NOTCH1: variants seen among roughly 807,000 people sequenced by gnomAD.
NOTCH1 encodes neurogenic locus notch homolog protein 1.
In NOTCH1, 37 loss-of-function variants were observed where a neutral mutation model predicts 254.8. That is an observed-to-expected ratio of 0.15 (90% CI 0.11 to 0.19). The LOEUF is 0.19. Ranked by LOEUF, NOTCH1 falls within the 10% of genes least tolerant of loss-of-function variation. The pLI is 1.00. For missense variants in NOTCH1, 2,972 were observed against 3,708.6 expected (o/e 0.80, Z 5.16); for synonymous variants, 1,731 against 1,618.1 (o/e 1.07, Z -1.68).
chr9:136,536,932 G>A (rs981944985), intron 2 of NOTCH1, among the ~76,000 whole-genome samples: 7 of 152,218 alleles, frequency 4.6e-5, no homozygotes, highest in African/African-American at 7.2e-5. Context: ...CTCAGTGACC[G>A]CGGCCCCACT....
In NOTCH1 at chr9:136,510,654, G is replaced by A. The variant is rs771825588; in HGVS notation, c.2739C>T (p.Pro913=). ...GGCCAGAGCCGCGGGGCTACTCACT[G>A]GGCCGGCAGTCGTCGATGTCGGTCT... The part of the protein sequence containing the change: ...NCETDIDDCR[P]NPCHNGGSCT... The change falls in exon 17 of 34, where the codon CCC becomes CCT. Residue 913 remains proline, a splice_region_variant and synonymous_variant. Coordinates refer to ENST00000651671, the MANE Select transcript of NOTCH1 (RefSeq NM_017617.5). 1 of 1,605,208 alleles carries A rather than the reference G, an allele frequency of 6.2e-7. No individual in the cohort carries two copies. The highest frequency in any genetic ancestry group is 8.5e-7 in the Non-Finnish European group (1 of 1,178,796).
In NOTCH1 at chr9:136,511,470, C is replaced by T. The variant is rs574443842; in HGVS notation, c.2468-199G>A. Among the ~76,000 whole-genome samples, 7 of 152,280 alleles carry T rather than the reference C, an allele frequency of 4.6e-5. No individual in the cohort carries two copies. The South Asian group carries it at 6.2e-4, about 14-fold the overall frequency. ...GAGGAGTGGAGCACAGATGGGGGGA[C>T]GCTGAAGACAAGCTGCACAAATGTC... On this transcript the variant is annotated intron_variant, in intron 15 of 33. Coordinates refer to ENST00000651671, the MANE Select transcript of NOTCH1 (RefSeq NM_017617.5).
chr9:136,519,417 CG>C (rs1564200749), intron 5 of NOTCH1, 25 bp downstream of exon 5: 1 of 1,612,188 alleles, frequency 6.2e-7, no homozygotes, highest in East Asian at 2.2e-5. Context: ...CCGGCTACCC[CG>C]CCCTGCGGCG....
rs758304923 is a variant in NOTCH1 at position 136,508,063 on chromosome 9, C to A, written c.3402G>T (p.Gln1134His). The A allele has an allele frequency of 4.3e-6, 7 of 1,611,162 alleles. No homozygotes were observed. The African/African-American group carries it at 9.3e-5, about 21-fold the overall frequency. The change falls in exon 21 of 34, where the codon CAG becomes CAT. Residue 1134 changes from glutamine (Q) to histidine (H), a missense_variant. Gln to His is a conservative substitution (Grantham distance 24, BLOSUM62 0). Around this residue, in one of 8 missense-constraint regions of NOTCH1, gnomAD observed 1,343 missense variants for 1,557.0 expected, o/e 0.86. Coordinates refer to ENST00000651671, the MANE Select transcript of NOTCH1 (RefSeq NM_017617.5). Reference sequence around the variant, plus strand: ...CACAGTAGCTGCCTGTGTAGCCCGCCTGGCAGCGGCAGTGGTGCGTGTTGC... The same window carrying A: ...CACAGTAGCTGCCTGTGTAGCCCGCATGGCAGCGGCAGTGGTGCGTGTTGC... Reference protein sequence around the residue: ...DAGNTHHCRCQAGYTGSYCED... With the variant: ...DAGNTHHCRCHAGYTGSYCED...
chr9:136,525,970 A>G (rs1843453014), intron 2 of NOTCH1, among the ~76,000 whole-genome samples: 1 of 152,124 alleles, frequency 6.6e-6, no homozygotes, highest in South Asian at 2.1e-4. Context: ...AAGAAAACAC[A>G]TGTCACCCCT....
rs917162401 is a variant in NOTCH1, at chr9:136,494,707, C to T, written c.*1364G>A. 1.8e-5 allele frequency: 7 copies of T among 398,318 alleles called. No individual in the cohort carries two copies. Among genetic ancestry groups the T allele is most frequent in the African/African-American group, 6.2e-5 (3 of 48,380 alleles). 24.7% of individuals were successfully genotyped at this position (398,318 alleles called of 1,614,324 possible). ...CAGCGGAGCGTCCCCAGTGCATGGGCGGCTAAGGCTCCCCGAGCTGAGCCA... is the reference window on the plus strand; with the variant it reads ...CAGCGGAGCGTCCCCAGTGCATGGGTGGCTAAGGCTCCCCGAGCTGAGCCA... On this transcript the variant is annotated 3_prime_UTR_variant, in exon 34 of 34. Transcript: ENST00000651671.
At chr9:136,536,586 G>A (rs76663918) in intron 2 of NOTCH1, among the ~76,000 whole-genome samples, 361 of 152,302 alleles carry the variant, frequency 2.4e-3, no homozygotes, top group African/African-American at 7.9e-3. Context: ...AGCCACCGCC[G>A]CTCCTTTGGT....
chr9:136,525,282 C>T (rs111434983), intron 2 of NOTCH1, among the ~76,000 whole-genome samples: 67 of 152,332 alleles, frequency 4.4e-4, no homozygotes, highest in African/African-American at 1.5e-3. Flanking sequence ...GCATCTCCAC[C>T]CAGGCCTGGT....
chr9:136,507,509 G>A, intron 21 of NOTCH1, 72 bp from the exon 22 acceptor site: 1 of 1,548,938 alleles, frequency 6.5e-7, no homozygotes. Flanking sequence ...ACACCCCACT[G>A]TGAGGGCTGA....
At chr9:136,531,220 T>C (rs1843553506) in intron 2 of NOTCH1, among the ~76,000 whole-genome samples, 1 of 152,160 alleles carries the variant, frequency 6.6e-6, no homozygotes, top group Admixed American at 6.5e-5. Flanking sequence ...CTTTCCAAGC[T>C]CTGTCTCATG....
chr9:136,522,884 C>T lies in NOTCH1; in HGVS notation c.708G>A (p.Thr236=), dbSNP rs774679591. 23 of 1,528,798 alleles carry T rather than the reference C, an allele frequency of 1.5e-5. No individual in the cohort carries two copies. The highest frequency in any genetic ancestry group is 1.9e-5 in the Non-Finnish European group (22 of 1,136,452). 94.7% of individuals were successfully genotyped at this position (1,528,798 alleles called of 1,614,324 possible). ...PCQNGGTCRP[T]GDVTHECACL... Reference sequence around the variant, plus strand: ...AGGCACACTCGTGGGTGACGTCGCCCGTGGGGCGGCAGGTGCCCCCGTTCT... The same window carrying T: ...AGGCACACTCGTGGGTGACGTCGCCTGTGGGGCGGCAGGTGCCCCCGTTCT... Residue 236 remains threonine (T), a synonymous_variant, in exon 4 of 34, where the codon ACG becomes ACA. Transcript: ENST00000651671.
intron 15 of NOTCH1, among the ~76,000 whole-genome samples, chr9:136,511,701 G>A (rs1169502988): frequency 3.3e-5 from 5 of 152,224 alleles, no homozygotes; most frequent in African/African-American, 1.2e-4. Flanking sequence ...CTGAGACCGA[G>A]GCCTGAAACT....
At chr9:136,533,555 G>A (rs945019875) in intron 2 of NOTCH1, among the ~76,000 whole-genome samples, 4 of 152,280 alleles carry the variant, frequency 2.6e-5, no homozygotes, top group South Asian at 2.1e-4. Flanking sequence ...GTGCCCACTC[G>A]ACGGCCCGGC....
rs1131691923 is a variant in NOTCH1 at position 136,496,872 on chromosome 9, G to T, written c.6867C>A (p.Ser2289Arg). ...ASGTSTVLGS[S>R]SGGALNFTVG... ...CAGTGAAATTCAGGGCCCCTCCGCT[G>T]CTGGAGCCCAGGACGGTGCTGGTGC... is the stretch of plus-strand genomic sequence containing the variant. Residue 2289 changes from serine (S) to arginine (R), a missense_variant, in exon 34 of 34, where the codon AGC (serine) becomes AGA (arginine). Transcript: ENST00000651671. 6.8e-6 allele frequency: 11 copies of T among 1,612,796 alleles called. No individual in the cohort carries two copies. The highest frequency in any genetic ancestry group is 9.3e-6 in the Non-Finnish European group (11 of 1,180,014).
Position 136,495,338 on chromosome 9 carries a change from C to A in NOTCH1, c.*733G>T. 2.5e-6 allele frequency: 1 copy of A among 398,850 alleles called. No homozygotes were observed. The highest frequency in any genetic ancestry group is 4.4e-6 in the Non-Finnish European group (1 of 226,082). 24.7% of individuals were successfully genotyped at this position (398,850 alleles called of 1,614,324 possible). On this transcript the variant is annotated 3_prime_UTR_variant, in exon 34 of 34. Coordinates refer to ENST00000651671, the MANE Select transcript of NOTCH1 (RefSeq NM_017617.5). ...CAACGAACAACTACATAATACTGAA[C>A]CTGAAACAAAGATTCATGATTGGTA...
Position 136,496,355 on chromosome 9 carries a change from G to T in NOTCH1, c.7384C>A (p.Pro2462Thr), listed in dbSNP as rs1842913852. 1.3e-6 allele frequency: 2 copies of T among 1,592,600 alleles called. No homozygotes were observed. The highest frequency in any genetic ancestry group is 1.7e-5 in the Admixed American group (1 of 57,394). ...GATGGCAGCGACGTGGGCAGGGCGGGGCTCTCCTGGGGCAGAATAGTGTGC... is the reference window on the plus strand; with the variant it reads ...GATGGCAGCGACGTGGGCAGGGCGGTGCTCTCCTGGGGCAGAATAGTGTGC... ...AVHTILPQES[P>T]ALPTSLPSSL... The change falls in exon 34 of 34, where the codon CCC (proline) becomes ACC (threonine). Residue 2462 changes from proline (P) to threonine (T), a missense_variant. This residue lies in a region of NOTCH1 where 529 missense variants were observed against 529.2 expected (regional missense o/e 1.00). Transcript: ENST00000651671.
chr9:136,518,519 T>G (rs1213653749), intron 6 of NOTCH1, 72 bp downstream of exon 6: 1 of 1,415,226 alleles, frequency 7.1e-7, no homozygotes, highest in Admixed American at 1.9e-5. Flanking sequence ...CCACAGTCCC[T>G]GGGTGAGGTC....
At position 136,505,116 on chromosome 9, in the gene NOTCH1, G is replaced by C. The variant is rs747774591; in HGVS notation, c.4587-12C>G. The C allele has an allele frequency of 6.2e-7, 1 of 1,605,732 alleles. No individual in the cohort carries two copies. Among genetic ancestry groups the C allele is most frequent in the Non-Finnish European group, 8.5e-7 (1 of 1,179,128 alleles). On this transcript the variant is annotated splice_polypyrimidine_tract_variant and intron_variant, in intron 25 of 33. Coordinates refer to ENST00000651671, the MANE Select transcript of NOTCH1 (RefSeq NM_017617.5). ...GGTCGTACAGGGGGCTGTGGGGGGC[G>C]GGACACGCTCAGGCCGCCTTCCTCG... is the stretch of plus-strand genomic sequence containing the variant.
chr9:136,525,748 G>A (rs1164658499), intron 2 of NOTCH1, among the ~76,000 whole-genome samples: 2 of 152,232 alleles, frequency 1.3e-5, no homozygotes, highest in East Asian at 1.9e-4. Flanking sequence ...GCCTGGGGGG[G>A]CCTTACCCCG....
Sources: gnomAD v4.1 joint callset for allele counts (sites outside exome capture counted in the v4.1 genomes callset) on GRCh38, gnomAD v4.1.1 for gene constraint, gnomAD v4.1.1 regional missense constraint, MANE v1.5 for transcripts, NCBI Gene and HGNC (gene_info 2026-07-23, HGNC 2026-07-21) for gene names.